The following CFI variants were observed in gnomAD, a reference collection of about 807,000 sequenced individuals.
CFI encodes the protein C3B/C4B inactivator.
In CFI, 66 loss-of-function variants were observed where a neutral mutation model predicts 78.8. The observed-to-expected ratio is 0.84, with a 90% CI of 0.69 to 1.03. The LOEUF (loss-of-function observed/expected upper bound fraction) is 1.03, where lower values mean the gene tolerates loss of function less well. Ranked by LOEUF, CFI falls within the 50% of genes least tolerant of loss-of-function variation. CFI has a pLI of 0.00. For synonymous variants in CFI, 250 were observed against 232.6 expected (o/e 1.07, Z -0.68); for missense variants, 706 against 704.5 (o/e 1.00, Z -0.02).
intron 1 of CFI, among the ~76,000 whole-genome samples, chr4:109,780,985 TG>T (rs538166810): frequency 6.6e-6 from 1 of 152,030 alleles, no homozygotes; most frequent in Admixed American, 6.6e-5. Flanking sequence ...CATCACACAC[TG>T]GGGCCTGTCA....
At chr4:109,748,390 C>T (rs1724736965) in intron 10 of CFI, among the ~76,000 whole-genome samples, 1 of 152,084 alleles carries the variant, frequency 6.6e-6, no homozygotes, top group African/African-American at 2.4e-5. Flanking sequence ...GGGAAAGATG[C>T]AGCAGTAAAT....
chr4:109,770,486 G>A (rs548652227), intron 1 of CFI, among the ~76,000 whole-genome samples: 1 of 151,744 alleles, frequency 6.6e-6, no homozygotes, highest in East Asian at 1.9e-4. Context: ...AACCCGGGAG[G>A]TGGAGTTTGC....
At chr4:109,774,817 T>G (rs1398931097) in intron 1 of CFI, among the ~76,000 whole-genome samples, 1 of 152,160 alleles carries the variant, frequency 6.6e-6, no homozygotes, top group African/African-American at 2.4e-5. Flanking sequence ...CTGATCTTGG[T>G]TACTTCCTTT....
rs1724418816 is a variant in CFI, at chr4:109,746,315, G to T, written c.1336C>A (p.Leu446Met). The change falls in exon 11 of 13, where the codon CTG becomes ATG. Residue 446 changes from leucine (L) to methionine (M), a missense_variant. Physicochemically the swap from Leu to Met is conservative, Grantham distance 15. Coordinates refer to ENST00000394634, the MANE Select transcript of CFI (RefSeq NM_000204.5). The stretch of plus-strand genomic sequence containing the variant: ...ACACAGGCAGGGATGGAACGAGGCA[G>T]CTCACAATCTTTTTTGTTTCCGTCT... Reference protein sequence around the residue: ...KKDGNKKDCELPRSIPACVPW... With the variant: ...KKDGNKKDCEMPRSIPACVPW... 6.2e-7 allele frequency: 1 copy of T among 1,614,052 alleles called. No homozygotes were observed. The highest frequency in any genetic ancestry group is 1.1e-5 in the South Asian group (1 of 91,086).
intron 11 of CFI, among the ~76,000 whole-genome samples, chr4:109,745,582 G>A (rs1007253135): frequency 1.2e-4 from 19 of 152,092 alleles, no homozygotes; most frequent in African/African-American, 4.3e-4. Context: ...TCTTTTATTC[G>A]TATGAAGTGT....
At position 109,749,281 on chromosome 4, in the gene CFI, C is replaced by T. The variant is rs200619905; in HGVS notation, c.1085G>A (p.Gly362Glu). ...AATATAAATTCCCCCACAGGTGATT[C>T]CACTGGCATCCTTAATTGCCACCTG... is the stretch of plus-strand genomic sequence containing the variant. ...PWQVAIKDASGITCGGIYIGG... is the reference protein window; with the variant it reads ...PWQVAIKDASEITCGGIYIGG... The change falls in exon 10 of 13, where the codon GGA becomes GAA. Residue 362 changes from glycine (G) to glutamate (E), a missense_variant. Physicochemically the swap from Gly to Glu is moderately conservative, Grantham distance 98. Coordinates refer to ENST00000394634, the MANE Select transcript of CFI (RefSeq NM_000204.5). 1 of 1,614,144 alleles carries T rather than the reference C, an allele frequency of 6.2e-7. No homozygotes were observed. Among genetic ancestry groups the T allele is most frequent in the Middle Eastern group, 1.6e-4 (1 of 6,062 alleles).
rs779030307 is a variant in CFI at position 109,768,981 on chromosome 4, ACTTTTC to A, written c.58-2163_58-2158del. On this transcript the variant is annotated intron_variant, in intron 1 of 12. Transcript: ENST00000394634. ...CTAGAATGAAATATGCCAGTTACGC[ACTTTTC>A]ATGGTTCCACGTATCTCTTTTTGGC... 5.5e-3 allele frequency among the ~76,000 whole-genome samples: 837 copies of A among 152,244 alleles called. 4 individuals carry two copies. The highest frequency in any genetic ancestry group is 9.0e-3 in the Non-Finnish European group (615 of 68,024).
At chr4:109,753,378 TATTATATAA>T (rs1183833766) in intron 7 of CFI, among the ~76,000 whole-genome samples, 1 of 30,708 alleles carries the variant, frequency 3.3e-5, no homozygotes, top group African/African-American at 1.1e-4. Flanking sequence ...AATATATATT[TATTATATAA>T]ATATTTATAA....
At chr4:109,800,599 C>T (rs913350268) in intron 1 of CFI, among the ~76,000 whole-genome samples, 1 of 151,962 alleles carries the variant, frequency 6.6e-6, no homozygotes, top group African/African-American at 2.4e-5. Flanking sequence ...TTTCTGAATC[C>T]CCTAGTTTCC....
Position 109,801,546 on chromosome 4 carries a change from C to T in CFI, c.57+369G>A, listed in dbSNP as rs796076007. On this transcript the variant is annotated intron_variant, in intron 1 of 12. Coordinates refer to ENST00000394634, the MANE Select transcript of CFI (RefSeq NM_000204.5). The stretch of plus-strand genomic sequence containing the variant: ...ATTTCCCCTTTCTATAACTATAGAG[C>T]GTACTAAGAGGCTGTTGAAGGAAGA... Among the ~76,000 whole-genome samples the T allele has an allele frequency of 1.2e-4, 19 of 152,228 alleles. 1 individual carries two copies. The highest frequency in any genetic ancestry group is 4.1e-4 in the African/African-American group (17 of 41,526).
At chr4:109,790,320 T>C (rs1237463839) in intron 1 of CFI, among the ~76,000 whole-genome samples, 1 of 152,134 alleles carries the variant, frequency 6.6e-6, no homozygotes, top group African/African-American at 2.4e-5. Context: ...CTAATCTTTA[T>C]TCTATTTTTT....
At chr4:109,746,185 C>T (rs1393819122) in intron 11 of CFI, 37 bp downstream of exon 11, 6 of 1,610,580 alleles carry the variant, frequency 3.7e-6, no homozygotes, top group Non-Finnish European at 4.2e-6. Context: ...TCATTTCCAA[C>T]TCATGGCTTC....
downstream of CFI, among the ~76,000 whole-genome samples, chr4:109,739,229 AT>A (rs1457924086): frequency 6.6e-6 from 1 of 152,008 alleles, no homozygotes; most frequent in Non-Finnish European, 1.5e-5. Flanking sequence ...TAAAGGGAAT[AT>A]TTATGTGAAA....
At position 109,753,195 on chromosome 4, in the gene CFI, AATATTTATAATAT is replaced by A. The variant is rs1446100500; in HGVS notation, c.905-705_905-693del. Among the ~76,000 whole-genome samples the A allele has an allele frequency of 8.6e-5, 6 of 70,154 alleles. 2 individuals are homozygous for A. The highest frequency in any genetic ancestry group is 3.4e-4 in the African/African-American group (6 of 17,700). 46.0% of individuals were successfully genotyped at this position (70,154 alleles called of 152,430 possible). ...TTATAATATATTTATTATATAAATAAATATTTATAATATATATTTATAATATATTTATAATATA... is the reference window on the plus strand; with the variant it reads ...TTATAATATATTTATTATATAAATAAATATTTATAATATATTTATAATATA... On this transcript the variant is annotated intron_variant, in intron 7 of 12. Transcript: ENST00000394634.
At chr4:109,801,850 T>G in intron 1 of CFI, 65 bp downstream of exon 1, 2 of 1,074,324 alleles carry the variant, frequency 1.9e-6, no homozygotes, top group South Asian at 2.9e-5. Context: ...TAAGATTATT[T>G]TCTATGTTTT....
chr4:109,793,594 C>G (rs1731652964), intron 1 of CFI: 1 of 152,168 alleles, frequency 6.6e-6, no homozygotes, highest in Admixed American at 6.5e-5. Context: ...GTGGTGTAGT[C>G]AGAGCTCACT....
chr4:109,741,982 A>C (rs74865668), intron 12 of CFI: 1 of 162,068 alleles, frequency 6.2e-6, no homozygotes, highest in Non-Finnish European at 1.4e-5. Context: ...TGTGATTTCC[A>C]TGGAGGGAAA....
intron 1 of CFI, among the ~76,000 whole-genome samples, chr4:109,773,509 C>T (rs143860239): frequency 2.4e-3 from 365 of 152,204 alleles, no homozygotes; most frequent in South Asian, 4.4e-3. Context: ...AGTAAGATTC[C>T]GTCTCAAAAA....
chr4:109,776,462 T>C (rs1003458194), intron 1 of CFI, among the ~76,000 whole-genome samples: 1 of 152,088 alleles, frequency 6.6e-6, no homozygotes, highest in African/African-American at 2.4e-5. Flanking sequence ...CCAAGAAATA[T>C]GGGACTATGT....
Sources: gnomAD v4.1 joint callset for allele counts (sites outside exome capture counted in the v4.1 genomes callset) on GRCh38, gnomAD v4.1.1 for gene constraint, MANE v1.5 for transcripts, NCBI Gene and HGNC (gene_info 2026-07-23, HGNC 2026-07-21) for gene names.